The following CSMD3 variants were observed in gnomAD, a reference collection of about 807,000 sequenced individuals.
CSMD3 encodes the protein CUB and Sushi multiple domains 3.
In CSMD3, 177 loss-of-function variants were observed where a neutral mutation model predicts 435.2. That is an observed-to-expected ratio of 0.41 (90% CI 0.36 to 0.46). The LOEUF is 0.46. CSMD3 is among the 20% of genes least tolerant of loss of function. CSMD3 has a pLI of 0.34. For missense variants in CSMD3, 4,265 were observed against 4,504.6 expected, an observed-to-expected ratio of 0.95 and a Z score of 1.52; for synonymous variants, 1,656 against 1,520.5, an observed-to-expected ratio of 1.09 and a Z score of -2.07.
At chr8:112,903,409 G>T (rs189466482) in intron 10 of CSMD3, among the ~76,000 whole-genome samples, 1 of 151,212 alleles carries the variant, frequency 6.6e-6, no homozygotes, top group East Asian at 2.0e-4. Context: ...AAAATGTTCC[G>T]AAAAGAGTAT....
At chr8:112,783,664 A>T (rs1034324913) in intron 13 of CSMD3, among the ~76,000 whole-genome samples, 3 of 152,128 alleles carry the variant, frequency 2.0e-5, no homozygotes, top group Non-Finnish European at 2.9e-5. Context: ...ATGGATTTTT[A>T]AAAAGTCCTA....
At chr8:112,296,778 T>C (rs1820333116) in intron 53 of CSMD3, among the ~76,000 whole-genome samples, 3 of 151,872 alleles carry the variant, frequency 2.0e-5, no homozygotes, top group Admixed American at 6.6e-5. Flanking sequence ...AGATTACGAA[T>C]AATAGAGAAC....
chr8:112,662,361 T>C (rs2075404710), intron 17 of CSMD3, among the ~76,000 whole-genome samples: 2 of 151,956 alleles, frequency 1.3e-5, no homozygotes, highest in Admixed American at 1.3e-4. Flanking sequence ...CCCTCAGAAA[T>C]AATGCCACAT....
intron 13 of CSMD3, among the ~76,000 whole-genome samples, chr8:112,798,430 T>C (rs2078879378): frequency 6.6e-6 from 1 of 151,800 alleles, no homozygotes; most frequent in South Asian, 2.1e-4. Context: ...TCATTAGTAA[T>C]GTGCAGCAGG....
At chr8:113,270,877 T>G (rs149756569) in intron 3 of CSMD3, among the ~76,000 whole-genome samples, 1,824 of 151,662 alleles carry the variant, frequency 0.012, 40 homozygotes, top group African/African-American at 0.041. Context: ...CTAATGTAAA[T>G]GACAAGTTAA....
intron 4 of CSMD3, among the ~76,000 whole-genome samples, chr8:113,140,570 A>C (rs575076643): frequency 6.6e-6 from 1 of 151,276 alleles, no homozygotes; most frequent in East Asian, 1.9e-4. Flanking sequence ...ATCTGTAACT[A>C]CAAAATAATC....
At chr8:112,355,827 T>G (rs1826547352) in intron 38 of CSMD3, among the ~76,000 whole-genome samples, 2 of 151,412 alleles carry the variant, frequency 1.3e-5, no homozygotes, top group Non-Finnish European at 2.9e-5. Flanking sequence ...AGCTGGAGTC[T>G]GTCAAAAAAA....
intron 50 of CSMD3, among the ~76,000 whole-genome samples, chr8:112,307,528 T>A (rs954447116): frequency 6.6e-6 from 1 of 152,066 alleles, no homozygotes; most frequent in Non-Finnish European, 1.5e-5. Flanking sequence ...AGCAGTCCAG[T>A]GGCCTCTACC....
chr8:112,485,677 T>C (rs1243663038), intron 31 of CSMD3, among the ~76,000 whole-genome samples: 1 of 152,184 alleles, frequency 6.6e-6, no homozygotes, highest in African/African-American at 2.4e-5. Flanking sequence ...GGCATATGAA[T>C]AATTGGTAAA....
chr8:113,364,423 A>G (rs1232356204), intron 1 of CSMD3, among the ~76,000 whole-genome samples: 1 of 152,046 alleles, frequency 6.6e-6, no homozygotes, highest in African/African-American at 2.4e-5. Flanking sequence ...AAAAGAAAAA[A>G]AATTTGAATG....
At chr8:113,309,281 T>C (rs2132641975) in intron 2 of CSMD3, 1 of 152,244 alleles carries the variant, frequency 6.6e-6, no homozygotes, top group South Asian at 2.1e-4. Context: ...GCAGGTCCAT[T>C]ACATGGGTAT....
At chr8:112,368,052 T>G (rs1490886100) in intron 38 of CSMD3, among the ~76,000 whole-genome samples, 1 of 152,166 alleles carries the variant, frequency 6.6e-6, no homozygotes, top group Non-Finnish European at 1.5e-5. Context: ...CACATGGCCA[T>G]CAAATGGCAG....
At chr8:112,856,102 G>C (rs1483129940) in intron 11 of CSMD3, among the ~76,000 whole-genome samples, 2 of 151,716 alleles carry the variant, frequency 1.3e-5, no homozygotes, top group African/African-American at 4.8e-5. Context: ...TCAAAGACTA[G>C]GTATGTTTAA....
chr8:112,634,884 GA>G (rs983150314), intron 22 of CSMD3, among the ~76,000 whole-genome samples: 5 of 151,860 alleles, frequency 3.3e-5, no homozygotes, highest in African/African-American at 1.2e-4. Context: ...GCTTTGGAAT[GA>G]AACAGATCAC....
chr8:113,099,054 A>G, intron 4 of CSMD3, 91 bp from the exon 5 acceptor site: 1 of 822,052 alleles, frequency 1.2e-6, no homozygotes, highest in Non-Finnish European at 2.1e-6. Context: ...TGTTTGGATA[A>G]AAATAACAGT....
intron 13 of CSMD3, among the ~76,000 whole-genome samples, chr8:112,725,129 G>A (rs2076936513): frequency 6.6e-6 from 1 of 151,912 alleles, no homozygotes; most frequent in African/African-American, 2.4e-5. Context: ...GGCAATAACT[G>A]GCAGGGAAAG....
chr8:112,498,596 G>T (rs79232213), intron 30 of CSMD3, among the ~76,000 whole-genome samples: 1,779 of 152,182 alleles, frequency 0.012, 29 homozygotes, highest in African/African-American at 0.041. Flanking sequence ...CCATTGGATT[G>T]CTAGTGAGAT....
chr8:112,392,358 AGT>A (rs1830493820), intron 35 of CSMD3, among the ~76,000 whole-genome samples: 1 of 150,204 alleles, frequency 6.7e-6, no homozygotes, highest in Non-Finnish European at 1.5e-5. Context: ...TTTTTAAAAT[AGT>A]GTGACAATAT....
At chr8:112,267,980 T>C (rs1817110891) in intron 59 of CSMD3, among the ~76,000 whole-genome samples, 1 of 151,642 alleles carries the variant, frequency 6.6e-6, no homozygotes, top group Admixed American at 6.6e-5. Flanking sequence ...AACCTTAGAA[T>C]AGTAGCTCTT....
Sources: allele counts gnomAD v4.1 joint callset (sites outside exome capture counted in the v4.1 genomes callset), GRCh38; gene constraint gnomAD v4.1.1; transcripts MANE v1.5; gene names NCBI Gene and HGNC (gene_info 2026-07-23, HGNC 2026-07-21).